The following ELAVL1 variants were observed in gnomAD, a reference collection of about 807,000 sequenced individuals.
The protein encoded by ELAVL1 is ELAV-like protein 1.
In ELAVL1, 1 loss-of-function variant was observed where a neutral mutation model predicts 28.4. That is an observed-to-expected ratio of 0.04 (90% CI 0.01 to 0.17). The LOEUF is 0.17. Among genes scored for constraint, ELAVL1 ranks in the 10% least tolerant of loss-of-function variants. ELAVL1 has a pLI of 1.00. For synonymous variants in ELAVL1, 174 were observed against 183.5 expected (o/e 0.95, Z 0.42); for missense variants, 157 against 447.2 (o/e 0.35, Z 5.85).
chr19:8,002,983 A>G (rs1197219648), intron 1 of ELAVL1, among the ~76,000 whole-genome samples: 1 of 152,206 alleles, frequency 6.6e-6, no homozygotes, highest in Non-Finnish European at 1.5e-5. Context: ...CATTTACAGA[A>G]CAGAACTCCT....
At chr19:7,990,584 T>A (rs1985725476) in intron 2 of ELAVL1, among the ~76,000 whole-genome samples, 1 of 151,832 alleles carries the variant, frequency 6.6e-6, no homozygotes. Flanking sequence ...CCCAGGCTGG[T>A]CTTGAACTTC....
At chr19:7,971,354 A>T (rs986173578) in intron 4 of ELAVL1, among the ~76,000 whole-genome samples, 2 of 152,214 alleles carry the variant, frequency 1.3e-5, no homozygotes, top group African/African-American at 4.8e-5. Flanking sequence ...CTGGACACAG[A>T]CAGGCCGAGG....
chr19:7,989,337 C>T lies in ELAVL1; in HGVS notation c.172+2307G>A, dbSNP rs944576431. On this transcript the variant is annotated intron_variant, in intron 2 of 5. Transcript: ENST00000407627. ...TGAAAGCCCAGGCCCAGCCACTCCA[C>T]AACTCCTGGTGCGCCAGTTACTAAC... 3.9e-5 allele frequency among the ~76,000 whole-genome samples: 6 copies of T among 152,340 alleles called. No homozygotes were observed. In the South Asian group the frequency reaches 6.2e-4, roughly 16 times the overall value.
rs1568312133 is a variant in ELAVL1 at position 7,981,228 on chromosome 19, G to A, written c.173-42C>T. 4 of 1,601,218 alleles carry A rather than the reference G, an allele frequency of 2.5e-6. No individual in the cohort carries two copies. The highest frequency in any genetic ancestry group is 3.4e-6 in the Non-Finnish European group (4 of 1,168,230). On this transcript the variant is annotated intron_variant, in intron 2 of 5. Transcript: ENST00000407627. The surrounding 1 kb of genome is among the most constrained non-coding windows in gnomAD (Gnocchi z 4.2). Reference sequence around the variant, plus strand: ...GAAGACATTGGTAAGCCAACCGTCTGCGAGTGAGGGACAGGGAGGTCGGGA... The same window carrying A: ...GAAGACATTGGTAAGCCAACCGTCTACGAGTGAGGGACAGGGAGGTCGGGA...
In ELAVL1 at chr19:7,979,294, A is replaced by G. The variant is rs1466057835; in HGVS notation, c.276+1789T>C. 6.6e-6 allele frequency among the ~76,000 whole-genome samples: 1 copy of G among 152,084 alleles called. No individual in the cohort carries two copies. Among genetic ancestry groups the G allele is most frequent in the East Asian group, 1.9e-4 (1 of 5,180 alleles). On this transcript the variant is annotated intron_variant, in intron 3 of 5. Transcript: ENST00000407627. This position sits in a 1 kb window ranked among gnomAD's most constrained non-coding sequence, Gnocchi z 5.4. ...GCAGGCTTCTGCATGCATGGCCGGG[A>G]TGACAGGGAGGGACACCTGCCCAGG...
intron 1 of ELAVL1, among the ~76,000 whole-genome samples, chr19:7,992,829 C>G (rs35076940): frequency 6.6e-6 from 1 of 151,984 alleles, no homozygotes; most frequent in African/African-American, 2.4e-5. Context: ...ATGGGTGTGG[C>G]GGCGCCATCA....
At position 7,963,845 on chromosome 19, in the gene ELAVL1, G is replaced by A. The variant is rs778719240; in HGVS notation, c.657-38C>T. ...GAGCAAGCGTCAGGCCACGGTCAGC[G>A]CAGGCGGCCTGGGGATGGGGCAAGG... On this transcript the variant is annotated intron_variant, in intron 5 of 5. Transcript: ENST00000407627. The surrounding 1 kb of genome is among the most constrained non-coding windows in gnomAD (Gnocchi z 4.5). 19 of 1,592,478 alleles carry A rather than the reference G, an allele frequency of 1.2e-5. 1 individual carries two copies. The highest frequency in any genetic ancestry group is 1.5e-5 in the Non-Finnish European group (17 of 1,168,110).
chr19:7,970,688 C>CA (rs1328063537), intron 4 of ELAVL1, among the ~76,000 whole-genome samples: 5 of 152,196 alleles, frequency 3.3e-5, no homozygotes, highest in African/African-American at 1.2e-4. Flanking sequence ...CGAAGGAATA[C>CA]AAAAAATTAA....
chr19:7,977,761 C>G (rs1408297363), intron 3 of ELAVL1, among the ~76,000 whole-genome samples: 1 of 152,264 alleles, frequency 6.6e-6, no homozygotes, highest in Non-Finnish European at 1.5e-5. Flanking sequence ...TCTGCGCTCT[C>G]TGTGCAGGGC....
rs762271808 is a variant in ELAVL1, at chr19:7,967,630, C to A, written c.591G>T (p.Ser197=). Reference sequence around the variant, plus strand: ...GTCGCGCTGGCGAGTGGTACAGCTGCGAGAGGAGTGCCACGTTTTTGTTCT... The same window carrying A: ...GTCGCGCTGGCGAGTGGTACAGCTGAGAGAGGAGTGCCACGTTTTTGTTCT... ...PNQNKNVALL[S]QLYHSPARRF... The change falls in exon 5 of 6, where the codon TCG becomes TCT. Residue 197 remains serine, a synonymous_variant. Coordinates refer to ENST00000407627, the MANE Select transcript of ELAVL1 (RefSeq NM_001419.3). 1 of 1,614,172 alleles carries A rather than the reference C, an allele frequency of 6.2e-7. No homozygotes were observed. The highest frequency in any genetic ancestry group is 2.2e-5 in the East Asian group (1 of 44,886).
At chr19:7,996,654 A>G (rs1241669821) in intron 1 of ELAVL1, among the ~76,000 whole-genome samples, 1 of 149,038 alleles carries the variant, frequency 6.7e-6, no homozygotes, top group Non-Finnish European at 1.5e-5. Context: ...AAAATACAAC[A>G]AAAAAAAAAT....
intron 4 of ELAVL1, among the ~76,000 whole-genome samples, chr19:7,968,721 G>A (rs1406692206): frequency 6.6e-6 from 1 of 152,264 alleles, no homozygotes; most frequent in Non-Finnish European, 1.5e-5. Context: ...TTGGTCAGCT[G>A]GGCATGGGTG....
At chr19:7,976,039 G>C (rs1274653104) in intron 3 of ELAVL1, among the ~76,000 whole-genome samples, 3 of 151,572 alleles carry the variant, frequency 2.0e-5, no homozygotes, top group Non-Finnish European at 4.4e-5. Context: ...GCTGCAGTGA[G>C]CCGTGATCAC....
intron 4 of ELAVL1, among the ~76,000 whole-genome samples, chr19:7,969,074 A>G (rs1985033825): frequency 6.6e-6 from 1 of 152,238 alleles, no homozygotes; most frequent in South Asian, 2.1e-4. Flanking sequence ...CTGGTTCTCA[A>G]GACTTTTAGT....
chr19:8,005,237 C>A (rs1221125291), intron 1 of ELAVL1, among the ~76,000 whole-genome samples: 1 of 151,880 alleles, frequency 6.6e-6, no homozygotes, highest in East Asian at 1.9e-4. Context: ...GGCCCCCCGG[C>A]GCATGCCCAC....
At chr19:7,994,552 A>G (rs911940946) in intron 1 of ELAVL1, among the ~76,000 whole-genome samples, 6 of 152,266 alleles carry the variant, frequency 3.9e-5, no homozygotes, top group African/African-American at 1.4e-4. Context: ...TCGTAAGTCC[A>G]GAAAAAGACA....
At position 7,978,380 on chromosome 19, in the gene ELAVL1, G is replaced by C. The variant is rs574569285; in HGVS notation, c.276+2703C>G. ...GCGATACCGGCCTGACCTCCAGGGT[G>C]GGGGAGGGGAAAGGGGTGCTGGGGA... is the stretch of plus-strand genomic sequence containing the variant. On this transcript the variant is annotated intron_variant, in intron 3 of 5. Coordinates refer to ENST00000407627, the MANE Select transcript of ELAVL1 (RefSeq NM_001419.3). Among the ~76,000 whole-genome samples, 8 of 152,248 alleles carry C rather than the reference G, an allele frequency of 5.3e-5. No individual in the cohort carries two copies. The East Asian group carries it at 1.4e-3, about 26-fold the overall frequency.
intron 5 of ELAVL1, among the ~76,000 whole-genome samples, chr19:7,966,960 C>T (rs1984971558): frequency 6.6e-6 from 1 of 152,018 alleles, no homozygotes; most frequent in Admixed American, 6.6e-5. Context: ...TCTGCTGTTA[C>T]TAGGAACTGC....
intron 5 of ELAVL1, among the ~76,000 whole-genome samples, chr19:7,964,525 T>G (rs1356172850): frequency 2.0e-5 from 3 of 152,064 alleles, no homozygotes; most frequent in African/African-American, 7.2e-5. Context: ...AGTGATACTT[T>G]TATTTACATA....
Sources: allele counts gnomAD v4.1 joint callset (sites outside exome capture counted in the v4.1 genomes callset), GRCh38; gene constraint gnomAD v4.1.1; non-coding constraint Gnocchi (gnomAD v3.1); transcripts MANE v1.5; gene names NCBI Gene and HGNC (gene_info 2026-07-23, HGNC 2026-07-21).